PTDSS2: variants seen among roughly 807,000 people sequenced by gnomAD.
PTDSS2 encodes the protein PSS-2.
A neutral mutation model predicts 64.7 loss-of-function variants in PTDSS2; 41 were observed. That is an observed-to-expected ratio of 0.63 (90% CI 0.49 to 0.82). The LOEUF is 0.82. PTDSS2 is among the 40% of genes least tolerant of loss of function. The pLI is 0.00. For synonymous variants in PTDSS2, 297 were observed against 277.8 expected, an observed-to-expected ratio of 1.07 and a Z score of -0.69; for missense variants, 485 against 650.0, an observed-to-expected ratio of 0.75 and a Z score of 2.76.
intron 11 of PTDSS2, 68 bp downstream of exon 11, chr11:490,136 G>A (rs749455418): frequency 6.3e-5 from 94 of 1,489,446 alleles, no homozygotes; most frequent in Admixed American, 2.4e-4. Flanking sequence ...CACAGGCACT[G>A]TGGGAGTTTG....
chr11:485,726 G>GGC (rs1372425428), intron 4 of PTDSS2, among the ~76,000 whole-genome samples: 3 of 118,380 alleles, frequency 2.5e-5, no homozygotes, highest in African/African-American at 9.9e-5. Context: ...AAACTGCACG[G>GGC]GCGCGTGTGC....
At chr11:481,221 C>T (rs142990824) in intron 4 of PTDSS2, among the ~76,000 whole-genome samples, 218 of 152,176 alleles carry the variant, frequency 1.4e-3, no homozygotes, top group African/African-American at 4.7e-3. Flanking sequence ...GTGAGCTGGA[C>T]GGTTTCGAGG....
At chr11:489,090 G>A (rs1036136765) in intron 8 of PTDSS2, among the ~76,000 whole-genome samples, 34 of 152,232 alleles carry the variant, frequency 2.2e-4, no homozygotes, top group African/African-American at 7.2e-4. Context: ...GCTAGCTCAC[G>A]GCACCGTGGA....
chr11:482,309 G>A (rs980700654), intron 4 of PTDSS2, among the ~76,000 whole-genome samples: 3 of 149,186 alleles, frequency 2.0e-5, no homozygotes, highest in Admixed American at 6.8e-5. Flanking sequence ...TGCAAGCTCC[G>A]CCTCCCAGGT....
chr11:465,282 C>G (rs937965290), intron 2 of PTDSS2, among the ~76,000 whole-genome samples: 1 of 152,218 alleles, frequency 6.6e-6, no homozygotes, highest in Non-Finnish European at 1.5e-5. Context: ...CCTCCAACTC[C>G]TGGCCTCCAG....
intron 4 of PTDSS2, among the ~76,000 whole-genome samples, chr11:483,584 T>C (rs1239997063): frequency 1.3e-5 from 2 of 152,222 alleles, no homozygotes; most frequent in Admixed American, 1.3e-4. Flanking sequence ...TATGGGTGTT[T>C]TTCCCCCTTT....
At chr11:483,854 G>A (rs57409099) in intron 4 of PTDSS2, among the ~76,000 whole-genome samples, 3,855 of 152,258 alleles carry the variant, frequency 0.025, 165 homozygotes, top group African/African-American at 0.088. Flanking sequence ...GGGTGAAGGC[G>A]CGCACTGGCA....
chr11:459,702 G>A, intron 1 of PTDSS2: 1 of 159,282 alleles, frequency 6.3e-6, no homozygotes, highest in Non-Finnish European at 1.4e-5. Context: ...ACGGCTCGTG[G>A]CTCACTCCAG....
At chr11:469,251 G>A (rs572291370) in intron 2 of PTDSS2, among the ~76,000 whole-genome samples, 2 of 126,598 alleles carry the variant, frequency 1.6e-5, no homozygotes, top group East Asian at 2.8e-4. Context: ...CTGGGTAATC[G>A]GAAGGAGGAG....
chr11:477,729 G>A (rs1847875478), intron 3 of PTDSS2, among the ~76,000 whole-genome samples: 1 of 152,246 alleles, frequency 6.6e-6, no homozygotes. Flanking sequence ...TGCAGGCCGG[G>A]CACCTGCTCC....
At chr11:488,104 C>T (rs1169039202) in intron 6 of PTDSS2, 95 bp from the exon 7 acceptor site, 15 of 901,156 alleles carry the variant, frequency 1.7e-5, no homozygotes, top group Non-Finnish European at 8.9e-6. Context: ...GCGTCCCATA[C>T]TCTGGCTGCC....
At chr11:490,179 C>T in intron 11 of PTDSS2, 111 bp downstream of exon 11, 1 of 1,290,812 alleles carries the variant, frequency 7.7e-7, no homozygotes, top group South Asian at 1.4e-5. Flanking sequence ...CCTGCTTCAA[C>T]CCTCTGGCCG....
chr11:490,836 C>T lies in PTDSS2; in HGVS notation c.*254C>T, dbSNP rs1848652588. On this transcript the variant is annotated 3_prime_UTR_variant, in exon 12 of 12. Transcript: ENST00000308020. ...CGCGTGTGTACACATGCGTGGCCGC[C>T]TGTGGTGTGCACGTGTGCTCTGGGC... 4.4e-6 allele frequency: 2 copies of T among 453,236 alleles called. No homozygotes were observed. Among genetic ancestry groups the T allele is most frequent in the Non-Finnish European group, 8.1e-6 (2 of 247,136 alleles). The allele number at this position is 453,236 out of a possible 1,614,324, so 28.1% of individuals were successfully genotyped here.
At chr11:487,607 G>A (rs1848451717) in intron 6 of PTDSS2, 137 bp downstream of exon 6, 1 of 807,670 alleles carries the variant, frequency 1.2e-6, no homozygotes, top group East Asian at 2.5e-5. Context: ...GCCACCCAGA[G>A]GTTCGAGAAG....
intron 3 of PTDSS2, among the ~76,000 whole-genome samples, chr11:477,530 G>A (rs1052379599): frequency 2.6e-5 from 4 of 152,194 alleles, no homozygotes; most frequent in East Asian, 1.9e-4. Flanking sequence ...GGTGGGAAGC[G>A]TGAGTGGGGA....
intron 2 of PTDSS2, among the ~76,000 whole-genome samples, chr11:473,398 G>T (rs547190666): frequency 2.6e-5 from 4 of 152,200 alleles, no homozygotes; most frequent in African/African-American, 9.7e-5. Context: ...AGCTCCTGAC[G>T]CCTTCCCTCC....
chr11:477,621 G>A (rs1322386018), intron 3 of PTDSS2, among the ~76,000 whole-genome samples: 1 of 152,204 alleles, frequency 6.6e-6, no homozygotes, highest in Non-Finnish European at 1.5e-5. Flanking sequence ...GATTCGACTT[G>A]GCAGTGCGGG....
intron 2 of PTDSS2, among the ~76,000 whole-genome samples, chr11:466,093 G>C (rs547500741): frequency 6.6e-6 from 1 of 152,122 alleles, no homozygotes; most frequent in Non-Finnish European, 1.5e-5. Context: ...AGAAAAACAG[G>C]CTGGGCAGGG....
At chr11:480,809 A>G (rs1848034493) in intron 4 of PTDSS2, among the ~76,000 whole-genome samples, 1 of 152,194 alleles carries the variant, frequency 6.6e-6, no homozygotes, top group Non-Finnish European at 1.5e-5. Flanking sequence ...TTGACAGGGC[A>G]CGGTGGCTCA....
Sources: gnomAD v4.1 joint callset for allele counts (sites outside exome capture counted in the v4.1 genomes callset) on GRCh38, gnomAD v4.1.1 for gene constraint, MANE v1.5 for transcripts, NCBI Gene and HGNC (gene_info 2026-07-23, HGNC 2026-07-21) for gene names.